GRM8: variants seen among roughly 807,000 people sequenced by gnomAD.
The protein encoded by GRM8 is metabotropic glutamate receptor 8.
A neutral mutation model predicts 87.2 loss-of-function variants in GRM8; 47 were observed. The ratio of observed to expected loss-of-function variants is 0.54; its 90% confidence interval spans 0.43 to 0.69. GRM8 has a LOEUF of 0.69. Ranked by LOEUF, GRM8 falls within the 30% of genes least tolerant of loss-of-function variation. GRM8 has a pLI of 0.00. For missense variants in GRM8, 1,019 were observed against 1,139.2 expected (o/e 0.89, Z 1.52); for synonymous variants, 396 against 404.5 (o/e 0.98, Z 0.25).
At chr7:126,665,259 C>G (rs751243790) in intron 7 of GRM8, among the ~76,000 whole-genome samples, 4 of 152,082 alleles carry the variant, frequency 2.6e-5, no homozygotes, top group Non-Finnish European at 5.9e-5. Context: ...GGGCAGATAC[C>G]AAAGGAACAT....
chr7:126,871,879 A>C (rs1010717761), intron 6 of GRM8, among the ~76,000 whole-genome samples: 1 of 152,220 alleles, frequency 6.6e-6, no homozygotes, highest in Non-Finnish European at 1.5e-5. Context: ...ATTAAAAGCA[A>C]AGTGTTCAGT....
chr7:126,820,754 C>A (rs1794219292), intron 6 of GRM8, among the ~76,000 whole-genome samples: 1 of 152,162 alleles, frequency 6.6e-6, no homozygotes, highest in Non-Finnish European at 1.5e-5. Context: ...AAATTTCCAA[C>A]CCTGCCATCT....
chr7:126,759,385 G>A (rs924025960), intron 7 of GRM8, among the ~76,000 whole-genome samples: 3 of 129,222 alleles, frequency 2.3e-5, no homozygotes, highest in African/African-American at 5.6e-5. Context: ...CATTAAATAC[G>A]TTCCATCAAT....
At chr7:126,616,695 T>C (rs1799531677) in intron 7 of GRM8, among the ~76,000 whole-genome samples, 1 of 151,974 alleles carries the variant, frequency 6.6e-6, no homozygotes, top group Non-Finnish European at 1.5e-5. Flanking sequence ...AAAGGGGATA[T>C]CACCACCAAT....
intron 3 of GRM8, among the ~76,000 whole-genome samples, chr7:126,932,952 C>A (rs1805922076): frequency 1.3e-5 from 2 of 152,094 alleles, no homozygotes; most frequent in Non-Finnish European, 2.9e-5. Context: ...TATATCATAT[C>A]AAGAAGCAGT....
intron 8 of GRM8, among the ~76,000 whole-genome samples, chr7:126,599,113 A>G (rs1325569059): frequency 6.6e-6 from 1 of 152,158 alleles, no homozygotes; most frequent in Non-Finnish European, 1.5e-5. Flanking sequence ...AGTAACTCTA[A>G]GGCCGTCTTC....
chr7:126,774,286 G>A (rs563585247), intron 6 of GRM8, among the ~76,000 whole-genome samples: 8 of 152,108 alleles, frequency 5.3e-5, no homozygotes, highest in African/African-American at 1.7e-4. Flanking sequence ...TCCTATATTT[G>A]ATTCTCTCAT....
intron 6 of GRM8, among the ~76,000 whole-genome samples, chr7:126,794,960 G>C (rs572031940): frequency 4.6e-5 from 7 of 152,246 alleles, no homozygotes; most frequent in Non-Finnish European, 1.0e-4. Flanking sequence ...CCTCAGCCCA[G>C]AGCAATTAAG....
At chr7:126,529,911 A>G (rs1365206264) in intron 9 of GRM8, among the ~76,000 whole-genome samples, 1 of 152,162 alleles carries the variant, frequency 6.6e-6, no homozygotes, top group Non-Finnish European at 1.5e-5. Flanking sequence ...CTATAGGGAA[A>G]CCAAAGGTGC....
In GRM8 at chr7:126,770,027, C is replaced by A; in HGVS notation, c.1195G>T (p.Glu399Ter). Residue 399 changes from glutamate (E) to a stop codon, truncating the protein, a stop_gained, in exon 7 of 11, where the codon GAA (glutamate) becomes TAA (stop). Coordinates refer to ENST00000339582, the MANE Select transcript of GRM8 (RefSeq NM_000845.3). LOFTEE classifies it high-confidence loss of function. ...RIARDSSYEQ[E>*]GKVQFVIDAV... ...TCAATTACAAATTGGACCTTTCCTTCCTGTTCATAAGATGAATCCCGAGCA... is the reference window on the plus strand; with the variant it reads ...TCAATTACAAATTGGACCTTTCCTTACTGTTCATAAGATGAATCCCGAGCA... 1 of 1,612,802 alleles carries A rather than the reference C, an allele frequency of 6.2e-7. No individual in the cohort carries two copies. Among genetic ancestry groups the A allele is most frequent in the Non-Finnish European group, 8.5e-7 (1 of 1,179,242 alleles).
At chr7:126,956,843 A>T (rs1808737278) in intron 3 of GRM8, among the ~76,000 whole-genome samples, 2 of 152,248 alleles carry the variant, frequency 1.3e-5, no homozygotes, top group African/African-American at 4.8e-5. Context: ...TATTCTTTCA[A>T]CTTACAAAAT....
chr7:126,598,940 C>T (rs937525393), intron 8 of GRM8, among the ~76,000 whole-genome samples: 46 of 152,114 alleles, frequency 3.0e-4, no homozygotes, highest in Non-Finnish European at 4.4e-4. Context: ...CATACTCAGT[C>T]CCGTAAAGAA....
intron 8 of GRM8, among the ~76,000 whole-genome samples, chr7:126,588,679 T>C (rs901653595): frequency 6.6e-6 from 1 of 151,986 alleles, no homozygotes; most frequent in African/African-American, 2.4e-5. Context: ...CATGTGGAGA[T>C]ACATCATGAA....
chr7:126,845,341 G>A (rs1051088595), intron 6 of GRM8, among the ~76,000 whole-genome samples: 1 of 152,152 alleles, frequency 6.6e-6, no homozygotes, highest in Non-Finnish European at 1.5e-5. Flanking sequence ...TATTGGACAA[G>A]GCTCAGGAGG....
intron 2 of GRM8, among the ~76,000 whole-genome samples, chr7:127,122,018 A>T (rs1250543415): frequency 6.6e-6 from 1 of 152,222 alleles, no homozygotes; most frequent in Non-Finnish European, 1.5e-5. Flanking sequence ...TATCAAAGAA[A>T]AAAAGTTCAT....
intron 7 of GRM8, among the ~76,000 whole-genome samples, chr7:126,699,666 AT>A (rs1330335699): frequency 2.0e-5 from 3 of 151,902 alleles, no homozygotes; most frequent in African/African-American, 7.3e-5. Flanking sequence ...AATGGGAAGT[AT>A]TTTTTTGCAG....
chr7:126,833,873 T>C (rs1052124584), intron 6 of GRM8, among the ~76,000 whole-genome samples: 2 of 152,196 alleles, frequency 1.3e-5, no homozygotes, highest in South Asian at 2.1e-4. Flanking sequence ...ACATTTGTGA[T>C]TCTGATTCAT....
intron 3 of GRM8, among the ~76,000 whole-genome samples, chr7:127,093,346 A>G (rs1824337520): frequency 6.6e-6 from 1 of 152,162 alleles, no homozygotes. Flanking sequence ...AATATTTGTT[A>G]AATAAAATGT....
At chr7:127,146,671 A>G (rs942386552) in intron 2 of GRM8, among the ~76,000 whole-genome samples, 1 of 152,098 alleles carries the variant, frequency 6.6e-6, no homozygotes, top group Non-Finnish European at 1.5e-5. Context: ...TCAGTTATCC[A>G]GATATTTCAC....
Sources: gnomAD v4.1 joint callset for allele counts (sites outside exome capture counted in the v4.1 genomes callset) on GRCh38, gnomAD v4.1.1 for gene constraint, MANE v1.5 for transcripts, NCBI Gene and HGNC (gene_info 2026-07-23, HGNC 2026-07-21) for gene names.